CUX2: variants seen among roughly 807,000 people sequenced by gnomAD.
CUX2 encodes the protein homeobox protein cut-like 2.
CUX2 carries 40 observed loss-of-function variants against 144.8 expected under a neutral mutation model. That is an observed-to-expected ratio of 0.28 (90% CI 0.21 to 0.36). CUX2 has a LOEUF of 0.36. Among genes scored for constraint, CUX2 ranks in the 10% least tolerant of loss-of-function variants. The pLI, the probability that CUX2 is intolerant of heterozygous loss-of-function variation, is 1.00. For missense variants in CUX2, 1,615 were observed against 1,994.0 expected (o/e 0.81, Z 3.62); for synonymous variants, 827 against 875.6 (o/e 0.94, Z 0.98).
chr12:111,042,102 C>T (rs779056346), intron 1 of CUX2, among the ~76,000 whole-genome samples: 4 of 152,234 alleles, frequency 2.6e-5, no homozygotes, highest in African/African-American at 9.6e-5. Context: ...ATCAATCCTT[C>T]GGCCTCTTTG....
intron 18 of CUX2, among the ~76,000 whole-genome samples, chr12:111,331,585 G>A (rs1423742346): frequency 6.6e-6 from 1 of 151,878 alleles, no homozygotes; most frequent in African/African-American, 2.4e-5. Flanking sequence ...TAGAGGAGGT[G>A]GAGGTGGACC....
rs765986444 is a variant in CUX2, at chr12:111,114,568, A to T, written c.63+80328A>T. The stretch of plus-strand genomic sequence containing the variant: ...TTGTGTTTTCATTCTCTGAAAGTGC[A>T]GGTAAAGATGCTGCAGCCGTGAATG... On this transcript the variant is annotated intron_variant, in intron 1 of 21. Transcript: ENST00000261726. 1.2e-4 allele frequency among the ~76,000 whole-genome samples: 19 copies of T among 152,184 alleles called. 1 individual carries two copies. Among genetic ancestry groups the T allele is most frequent in the South Asian group, 8.3e-4 (4 of 4,826 alleles).
At chr12:111,170,397 C>G (rs1469808386) in intron 1 of CUX2, among the ~76,000 whole-genome samples, 1 of 150,416 alleles carries the variant, frequency 6.6e-6, no homozygotes, top group Non-Finnish European at 1.5e-5. Flanking sequence ...CCATTGCACT[C>G]CAGCCTGGGC....
chr12:111,097,772 G>C (rs1199873743), intron 1 of CUX2, among the ~76,000 whole-genome samples: 3 of 152,176 alleles, frequency 2.0e-5, no homozygotes, highest in Non-Finnish European at 4.4e-5. Flanking sequence ...CAGGGGATCG[G>C]GGTGGCTGTT....
At chr12:111,220,019 C>T (rs1881756972) in intron 3 of CUX2, among the ~76,000 whole-genome samples, 1 of 151,980 alleles carries the variant, frequency 6.6e-6, no homozygotes, top group African/African-American at 2.4e-5. Context: ...TAGTGGGCAC[C>T]TGTAATTCCA....
intron 1 of CUX2, among the ~76,000 whole-genome samples, chr12:111,066,263 T>C (rs1442613537): frequency 2.0e-5 from 3 of 152,226 alleles, no homozygotes; most frequent in Non-Finnish European, 4.4e-5. Flanking sequence ...AACTGACCTA[T>C]ATATTTAAAG....
intron 8 of CUX2, among the ~76,000 whole-genome samples, chr12:111,298,202 G>A (rs140365777): frequency 1.8e-4 from 28 of 152,302 alleles, no homozygotes; most frequent in Non-Finnish European, 3.5e-4. Context: ...AGTGCAGGGC[G>A]GCCTCCCCGG....
intron 1 of CUX2, among the ~76,000 whole-genome samples, chr12:111,134,695 T>G (rs1263020923): frequency 6.6e-6 from 1 of 151,926 alleles, no homozygotes; most frequent in African/African-American, 2.4e-5. Flanking sequence ...TAGAGCAATG[T>G]AAGCTGATAT....
At chr12:111,341,386 A>C (rs982830783) in intron 20 of CUX2, among the ~76,000 whole-genome samples, 10 of 152,118 alleles carry the variant, frequency 6.6e-5, no homozygotes, top group African/African-American at 2.4e-4. Context: ...GCCTGAGCCT[A>C]GTTGGTTGAA....
In CUX2 at chr12:111,270,208, C is replaced by T. The variant is rs1884574740; in HGVS notation, c.301+6369C>T. The T allele has an allele frequency of 2.6e-5, 4 of 152,234 alleles. No homozygotes were observed. In the South Asian group the frequency reaches 8.3e-4, roughly 32 times the overall value. 9.4% of individuals were successfully genotyped at this position (152,234 alleles called of 1,614,324 possible). A position where few individuals can be genotyped will look rare whatever the true frequency, so the allele number is the denominator to read the frequency against. ...AAAATTCGCTGGGACGCGCACACTCCTGTTTTTATATTTCTTGACAGGCAA... is the reference window on the plus strand; with the variant it reads ...AAAATTCGCTGGGACGCGCACACTCTTGTTTTTATATTTCTTGACAGGCAA... On this transcript the variant is annotated intron_variant, in intron 4 of 21. Coordinates refer to ENST00000261726, the MANE Select transcript of CUX2 (RefSeq NM_015267.4).
At chr12:111,060,598 A>G (rs1870724115) in intron 1 of CUX2, among the ~76,000 whole-genome samples, 1 of 152,222 alleles carries the variant, frequency 6.6e-6, no homozygotes, top group Admixed American at 6.5e-5. Context: ...ATGCCCATGG[A>G]TGGGCCAGAG....
chr12:111,080,247 A>G (rs886514017), intron 1 of CUX2, among the ~76,000 whole-genome samples: 5 of 151,874 alleles, frequency 3.3e-5, no homozygotes. Context: ...ATCCCGTAAC[A>G]CACACACACA....
chr12:111,198,474 C>CAA (rs1462714448), intron 1 of CUX2, among the ~76,000 whole-genome samples: 9,342 of 122,554 alleles, frequency 0.076, 407 homozygotes, highest in African/African-American at 0.12. Context: ...GACCCTGTCT[C>CAA]AAAAAAAAAA....
chr12:111,232,296 G>A (rs1427835002), intron 3 of CUX2, among the ~76,000 whole-genome samples: 1 of 151,948 alleles, frequency 6.6e-6, no homozygotes, highest in Non-Finnish European at 1.5e-5. Flanking sequence ...CAGGAGGATT[G>A]CTTGAGACCA....
At position 111,347,638 on chromosome 12, in the gene CUX2, G is replaced by A. The variant is rs200919469; in HGVS notation, c.3774G>A (p.Pro1258=). ...PPGHSHPDPT[P]QSPDSETEDQ... The stretch of plus-strand genomic sequence containing the variant: ...GCCACTCCCACCCAGACCCCACCCC[G>A]CAGAGCCCTGACTCTGAGACTGAGG... The change falls in exon 22 of 22, where the codon CCG becomes CCA. Residue 1258 remains proline (P), a synonymous_variant. Coordinates refer to ENST00000261726, the MANE Select transcript of CUX2 (RefSeq NM_015267.4). 2,419 of 678,286 alleles carry A rather than the reference G, an allele frequency of 3.6e-3. 24 individuals carry two copies. In the Middle Eastern group the frequency reaches 0.055, roughly 15 times the overall value. 42.0% of individuals were successfully genotyped at this position (678,286 alleles called of 1,614,324 possible).
rs1480640377 is a variant in CUX2 at position 111,034,563 on chromosome 12, G to C, written c.63+323G>C. Among the ~76,000 whole-genome samples, 1 of 151,362 alleles carries C rather than the reference G, an allele frequency of 6.6e-6. No homozygotes were observed. The highest frequency in any genetic ancestry group is 1.5e-5 in the Non-Finnish European group (1 of 67,766). On this transcript the variant is annotated intron_variant, in intron 1 of 21. Transcript: ENST00000261726. The surrounding 1 kb of genome is among the most constrained non-coding windows in gnomAD (Gnocchi z 4.2). ...CAGGGGCTACGGCCTCGGGCAGGGG[G>C]CTGCTGGCGGGAACCCCCGGCGGTC...
chr12:111,282,676 A>C (rs1474511829), intron 4 of CUX2, among the ~76,000 whole-genome samples: 1 of 151,602 alleles, frequency 6.6e-6, no homozygotes, highest in East Asian at 1.9e-4. Flanking sequence ...GCTTAAACGC[A>C]AGAAATTTAC....
rs1421250911 is a variant in CUX2, at chr12:111,206,016, AAGG to A, written c.64-8181_64-8179del. 5.3e-5 allele frequency among the ~76,000 whole-genome samples: 8 copies of A among 152,214 alleles called. No homozygotes were observed. The East Asian group carries it at 1.3e-3, about 26-fold the overall frequency. On this transcript the variant is annotated intron_variant, in intron 1 of 21. Transcript: ENST00000261726. ...AGTGTATTTGGTAGTGATACATGTT[AAGG>A]AGAAGAAAACTCAAGACAAGAACCG...
chr12:111,044,264 C>T (rs1190247360), intron 1 of CUX2, among the ~76,000 whole-genome samples: 1 of 152,180 alleles, frequency 6.6e-6, no homozygotes, highest in Non-Finnish European at 1.5e-5. Flanking sequence ...GTTGAGGTCG[C>T]TGTCATGTCT....
Sources: allele counts gnomAD v4.1 joint callset (sites outside exome capture counted in the v4.1 genomes callset), GRCh38; gene constraint gnomAD v4.1.1; non-coding constraint Gnocchi (gnomAD v3.1); transcripts MANE v1.5; gene names NCBI Gene and HGNC (gene_info 2026-07-23, HGNC 2026-07-21).